The following MICAL3 variants were observed in gnomAD, a reference collection of about 807,000 sequenced individuals.
MICAL3 encodes the protein microtubule associated monooxygenase, calponin and LIM domain containing 3, also known as [F-actin]-monooxygenase MICAL3.
Under a neutral mutation model 207.4 loss-of-function variants are expected in MICAL3, and 62 were observed. That is an observed-to-expected ratio of 0.30 (90% CI 0.24 to 0.37). The LOEUF (loss-of-function observed/expected upper bound fraction) is 0.37, where lower values mean the gene tolerates loss of function less well. MICAL3 is among the 10% of genes least tolerant of loss of function. The pLI, the probability that MICAL3 is intolerant of heterozygous loss-of-function variation, is 1.00. For synonymous variants in MICAL3, 1,077 were observed against 1,069.3 expected, an observed-to-expected ratio of 1.01 and a Z score of -0.14; for missense variants, 2,368 against 2,635.6, an observed-to-expected ratio of 0.90 and a Z score of 2.22.
At chr22:17,914,700 G>T (rs1457072056) in intron 1 of MICAL3, among the ~76,000 whole-genome samples, 1 of 152,174 alleles carries the variant, frequency 6.6e-6, no homozygotes, top group Non-Finnish European at 1.5e-5. Flanking sequence ...CACTGCATCT[G>T]CTCCTTTGAA....
Position 17,816,712 on chromosome 22 carries a change from G to C in MICAL3, c.5423C>G (p.Ser1808Cys). ...CACCTCTCGCCGGGACTTCTGTGAG[G>C]ACTTCTCAAGGACATCGTCGCTGGA... ...DLSSDDVLEK[S>C]SQKSRREPRT... The change falls in exon 27 of 32, where the codon TCC (serine) becomes TGC (cysteine). Residue 1808 changes from serine to cysteine, a missense_variant. Ser to Cys is a moderately radical substitution (Grantham distance 112, BLOSUM62 -1). Transcript: ENST00000441493. 1 of 1,553,188 alleles carries C rather than the reference G, an allele frequency of 6.4e-7. No homozygotes were observed. Among genetic ancestry groups the C allele is most frequent in the Non-Finnish European group, 8.7e-7 (1 of 1,148,036 alleles).
chr22:17,917,634 T>G (rs895157222), intron 1 of MICAL3, among the ~76,000 whole-genome samples: 2 of 152,190 alleles, frequency 1.3e-5, no homozygotes, highest in Admixed American at 1.3e-4. Context: ...GACTGCCACA[T>G]CCCAGCCCCA....
intron 19 of MICAL3, among the ~76,000 whole-genome samples, chr22:17,849,491 C>A (rs1018823081): frequency 2.0e-5 from 3 of 149,736 alleles, no homozygotes; most frequent in Admixed American, 6.6e-5. Context: ...TGCGCCATCA[C>A]GCCTGGCTAA....
At chr22:17,962,235 C>T (rs1366600220) in intron 1 of MICAL3, among the ~76,000 whole-genome samples, 1 of 149,480 alleles carries the variant, frequency 6.7e-6, no homozygotes, top group Non-Finnish European at 1.5e-5. Flanking sequence ...AACGTAAGTG[C>T]GAAAGCGAAC....
intron 19 of MICAL3, among the ~76,000 whole-genome samples, chr22:17,848,369 C>A (rs552676881): frequency 2.4e-4 from 37 of 152,298 alleles, no homozygotes; most frequent in Middle Eastern, 3.4e-3. Context: ...TACTGGGAAA[C>A]GGGGATGACA....
In MICAL3 at chr22:17,922,156, G is replaced by A. The variant is rs141654237; in HGVS notation, c.-74-15270C>T. Among the ~76,000 whole-genome samples, 17 of 150,236 alleles carry A rather than the reference G, an allele frequency of 1.1e-4. No homozygotes were observed. The East Asian group carries it at 1.6e-3, about 14-fold the overall frequency. The stretch of plus-strand genomic sequence containing the variant: ...CCTGTGTTCCCTCCCACCTGGGTGC[G>A]TGCCTCCCCTTCAACACTCCTCACT... On this transcript the variant is annotated intron_variant, in intron 1 of 31. Transcript: ENST00000441493.
At chr22:17,797,193 G>A (rs1345301785) in intron 29 of MICAL3, among the ~76,000 whole-genome samples, 7 of 152,166 alleles carry the variant, frequency 4.6e-5, no homozygotes, top group African/African-American at 1.7e-4. Context: ...TTGCTCACAA[G>A]GATTAGTGAG....
chr22:17,853,803 T>C (rs1333577317), intron 19 of MICAL3, among the ~76,000 whole-genome samples: 1 of 152,216 alleles, frequency 6.6e-6, no homozygotes, highest in Non-Finnish European at 1.5e-5. Context: ...GGTGTGCACA[T>C]CCACTGGGGT....
chr22:17,872,342 C>T (rs969396200), intron 16 of MICAL3, among the ~76,000 whole-genome samples: 2 of 151,950 alleles, frequency 1.3e-5, no homozygotes, highest in African/African-American at 2.4e-5. Flanking sequence ...AGCCTGGCGA[C>T]GCCGGGAAAT....
intron 19 of MICAL3, chr22:17,862,245 G>A: frequency 1.0e-6 from 1 of 985,272 alleles, no homozygotes. Context: ...TGAAACACCT[G>A]AGCTTTCCCT....
intron 20 of MICAL3, among the ~76,000 whole-genome samples, chr22:17,837,353 C>T (rs183554660): frequency 1.7e-3 from 257 of 152,344 alleles, no homozygotes; most frequent in African/African-American, 6.0e-3. Flanking sequence ...CAGACAGCAA[C>T]GCCTGCCATC....
At chr22:17,980,876 C>T (rs1383008640) in intron 1 of MICAL3, 3 of 531,496 alleles carry the variant, frequency 5.6e-6, no homozygotes, top group African/African-American at 3.9e-5. Flanking sequence ...TGCACCCTCA[C>T]TTCCGACTAA....
intron 1 of MICAL3, among the ~76,000 whole-genome samples, chr22:17,955,153 T>A (rs888644339): frequency 6.6e-6 from 1 of 152,200 alleles, no homozygotes; most frequent in Non-Finnish European, 1.5e-5. Context: ...CCACTGAGAA[T>A]GTCCAGCACA....
At position 17,918,085 on chromosome 22, in the gene MICAL3, T is replaced by C. The variant is rs573586578; in HGVS notation, c.-74-11199A>G. On this transcript the variant is annotated intron_variant, in intron 1 of 31. Coordinates refer to ENST00000441493, the MANE Select transcript of MICAL3 (RefSeq NM_015241.3). ...TAAATTTCCTCAGCTGATTCAGCCA[T>C]GACTTCCCATCTCAGCCAGCATAAA... Among the ~76,000 whole-genome samples the C allele has an allele frequency of 3.1e-4, 47 of 152,342 alleles. No homozygotes were observed. The South Asian group carries it at 9.5e-3, about 31-fold the overall frequency.
chr22:17,863,587 C>T, intron 19 of MICAL3: 1 of 985,448 alleles, frequency 1.0e-6, no homozygotes, highest in Non-Finnish European at 1.2e-6. Context: ...TTGGTCCCAC[C>T]TGCAGGGTAC....
chr22:17,885,956 T>C lies in MICAL3; in HGVS notation c.2163A>G (p.Lys721=), dbSNP rs1569115596. ...RMDVAVGNQN[K]VKYMATQLLA... is the part of the protein sequence containing the mutation. ...GCAGCTGGGTCGCCATGTACTTCACTTTGTTCTGGTTCCCAACGGCAACGT... is the reference window on the plus strand; with the variant it reads ...GCAGCTGGGTCGCCATGTACTTCACCTTGTTCTGGTTCCCAACGGCAACGT... The change falls in exon 16 of 32, where the codon AAA becomes AAG. Residue 721 remains lysine, a synonymous_variant. Coordinates refer to ENST00000441493, the MANE Select transcript of MICAL3 (RefSeq NM_015241.3). 24 of 1,614,026 alleles carry C rather than the reference T, an allele frequency of 1.5e-5. No individual in the cohort carries two copies. The highest frequency in any genetic ancestry group is 1.8e-5 in the Non-Finnish European group (21 of 1,179,896).
In MICAL3 at chr22:17,889,139, T is replaced by C. The variant is rs1161429128; in HGVS notation, c.1786A>G (p.Met596Val). The change falls in exon 13 of 32, where the codon ATG becomes GTG. Residue 596 changes from methionine to valine, a missense_variant. By Grantham distance (21) the Met-to-Val change is conservative. Coordinates refer to ENST00000441493, the MANE Select transcript of MICAL3 (RefSeq NM_015241.3). Reference protein sequence around the residue: ...AEKELGISPIMTGKEMASVGE... With the variant: ...AEKELGISPIVTGKEMASVGE... ...ACGGAGGCCATTTCTTTGCCTGTCA[T>C]GATGGGAGAAATGCCCAATTCCTTC... The C allele has an allele frequency of 2.5e-6, 4 of 1,613,818 alleles. 1 individual carries two copies. Among genetic ancestry groups the C allele is most frequent in the East Asian group, 4.5e-5 (2 of 44,880 alleles).
At chr22:17,903,582 T>G (rs989565842) in intron 3 of MICAL3, among the ~76,000 whole-genome samples, 1 of 152,222 alleles carries the variant, frequency 6.6e-6, no homozygotes, top group African/African-American at 2.4e-5. Flanking sequence ...CCTCACGTCA[T>G]CTTGGTTGTT....
At chr22:17,848,030 T>C (rs149466245) in intron 19 of MICAL3, among the ~76,000 whole-genome samples, 9 of 152,280 alleles carry the variant, frequency 5.9e-5, no homozygotes, top group Admixed American at 2.6e-4. Context: ...CCCGATCTTC[T>C]TGAACTAAAG....
Sources: allele counts gnomAD v4.1 joint callset (sites outside exome capture counted in the v4.1 genomes callset), GRCh38; gene constraint gnomAD v4.1.1; transcripts MANE v1.5; gene names NCBI Gene and HGNC (gene_info 2026-07-23, HGNC 2026-07-21).